The following GABRB3 variants were observed in gnomAD, a reference collection of about 807,000 sequenced individuals.
GABRB3 encodes the protein gamma-aminobutyric acid type A receptor subunit beta3, also known as gamma-aminobutyric acid receptor subunit beta-3.
GABRB3 carries 14 observed loss-of-function variants against 52.1 expected under a neutral mutation model. The observed-to-expected ratio is 0.27, with a 90% CI of 0.18 to 0.42. GABRB3 has a LOEUF of 0.42. Ranked by LOEUF, GABRB3 falls within the 10% of genes least tolerant of loss-of-function variation. The pLI is 1.00. For missense variants in GABRB3, 307 were observed against 609.1 expected, an observed-to-expected ratio of 0.50 and a Z score of 5.22; for synonymous variants, 260 against 232.3, an observed-to-expected ratio of 1.12 and a Z score of -1.08.
intron 3 of GABRB3, among the ~76,000 whole-genome samples, chr15:26,694,562 C>T (rs1038787374): frequency 6.6e-6 from 1 of 152,174 alleles, no homozygotes; most frequent in Non-Finnish European, 1.5e-5. Context: ...AGTAAATACA[C>T]TTGAACCCCT....
intron 3 of GABRB3, among the ~76,000 whole-genome samples, chr15:26,723,568 G>A (rs576637842): frequency 6.6e-5 from 10 of 152,294 alleles, no homozygotes; most frequent in Non-Finnish European, 1.3e-4. Flanking sequence ...ACCCATGGGT[G>A]GGAAGTGCAG....
chr15:26,706,757 C>G (rs1406081778), intron 3 of GABRB3, among the ~76,000 whole-genome samples: 1 of 152,156 alleles, frequency 6.6e-6, no homozygotes, highest in African/African-American at 2.4e-5. Context: ...ATTCATTTAT[C>G]CATGTGTTCA....
chr15:26,679,191 A>C (rs1342833725), intron 3 of GABRB3, among the ~76,000 whole-genome samples: 1 of 152,152 alleles, frequency 6.6e-6, no homozygotes, highest in African/African-American at 2.4e-5. Flanking sequence ...TCAAAATGAA[A>C]ACATTAACTC....
intron 4 of GABRB3, among the ~76,000 whole-genome samples, chr15:26,618,041 C>T (rs1481764307): frequency 6.6e-6 from 1 of 152,156 alleles, no homozygotes; most frequent in African/African-American, 2.4e-5. Flanking sequence ...GAAGAACATT[C>T]CATGCTCATG....
intron 3 of GABRB3, among the ~76,000 whole-genome samples, chr15:26,705,227 G>A (rs935075181): frequency 2.6e-5 from 4 of 152,206 alleles, no homozygotes; most frequent in Non-Finnish European, 5.9e-5. Context: ...TCCTCACATT[G>A]CAAAAGGCAG....
chr15:26,746,994 A>G (rs1048334380), intron 3 of GABRB3, among the ~76,000 whole-genome samples: 7 of 139,940 alleles, frequency 5.0e-5, no homozygotes, highest in Non-Finnish European at 9.7e-5. Flanking sequence ...CTCAAAATAA[A>G]TAAACAAACA....
At chr15:26,556,415 T>C (rs1285525682) in intron 8 of GABRB3, among the ~76,000 whole-genome samples, 1 of 152,232 alleles carries the variant, frequency 6.6e-6, no homozygotes, top group Non-Finnish European at 1.5e-5. Flanking sequence ...AATCTTGCTC[T>C]TTAGTAAGAA....
At chr15:26,579,910 C>T (rs1179355883) in intron 6 of GABRB3, among the ~76,000 whole-genome samples, 1 of 152,150 alleles carries the variant, frequency 6.6e-6, no homozygotes, top group Non-Finnish European at 1.5e-5. Flanking sequence ...TGGCTGCTAA[C>T]CCCAGTGGAG....
rs141930306 is a variant in GABRB3 at position 26,727,160 on chromosome 15, G to C, written c.240+45242C>G. On this transcript the variant is annotated intron_variant, in intron 3 of 8. Transcript: ENST00000311550. ...GGCAACAGAACAAGACTCGGTCTCA[G>C]GAAAAAAGAAAAATCACTCACCAGT... Among the ~76,000 whole-genome samples, 788 of 152,046 alleles carry C rather than the reference G, an allele frequency of 5.2e-3. 5 individuals carry two copies. Among genetic ancestry groups the C allele is most frequent in the African/African-American group, 0.018 (754 of 41,484 alleles).
chr15:26,698,521 AG>A (rs2140676367), intron 3 of GABRB3, among the ~76,000 whole-genome samples: 1 of 152,342 alleles, frequency 6.6e-6, no homozygotes, highest in East Asian at 1.9e-4. Flanking sequence ...ACAAGAAAAA[AG>A]GAAGAGATTC....
rs1285885962 is a variant in GABRB3, at chr15:26,746,097, T to C, written c.240+26305A>G. Among the ~76,000 whole-genome samples the C allele has an allele frequency of 4.6e-5, 7 of 152,372 alleles. No individual in the cohort carries two copies. In the East Asian group the frequency reaches 7.7e-4, roughly 17 times the overall value. On this transcript the variant is annotated intron_variant, in intron 3 of 8. Coordinates refer to ENST00000311550, the MANE Select transcript of GABRB3 (RefSeq NM_000814.6). ...GTAGGAGTGATCAATCCAGCTTCTC[T>C]ACGTTCTACCCAGTATTAAACAGTG... is the stretch of plus-strand genomic sequence containing the variant.
intron 3 of GABRB3, among the ~76,000 whole-genome samples, chr15:26,680,944 G>A (rs897415824): frequency 4.6e-5 from 7 of 152,132 alleles, no homozygotes; most frequent in African/African-American, 1.4e-4. Context: ...GTAAACTTGT[G>A]TCCTTCCTCT....
chr15:26,698,107 G>C (rs1242642708), intron 3 of GABRB3, among the ~76,000 whole-genome samples: 6 of 152,180 alleles, frequency 3.9e-5, no homozygotes, highest in African/African-American at 1.4e-4. Flanking sequence ...ACAAAAGACA[G>C]ATGCAAAGGA....
chr15:26,658,181 A>C (rs1370584530), intron 3 of GABRB3, among the ~76,000 whole-genome samples: 3 of 152,150 alleles, frequency 2.0e-5, no homozygotes, highest in African/African-American at 7.2e-5. Flanking sequence ...GAAAAACAAG[A>C]AGACAGTTTT....
In GABRB3 at chr15:26,592,177, C is replaced by A. The variant is rs147144308; in HGVS notation, c.462-8763G>T. Among the ~76,000 whole-genome samples, 794 of 152,290 alleles carry A rather than the reference C, an allele frequency of 5.2e-3. 6 individuals carry two copies. The highest frequency in any genetic ancestry group is 0.018 in the African/African-American group (740 of 41,560). ...ACTCAAGACTCTACCCAAAGTGTGT[C>A]TGATTTCAAGGTTTAGTTATAACTC... On this transcript the variant is annotated intron_variant, in intron 4 of 8. Coordinates refer to ENST00000311550, the MANE Select transcript of GABRB3 (RefSeq NM_000814.6).
intron 7 of GABRB3, among the ~76,000 whole-genome samples, chr15:26,563,136 A>T (rs1334067019): frequency 2.0e-5 from 3 of 152,126 alleles, no homozygotes; most frequent in African/African-American, 7.2e-5. Flanking sequence ...TTTAGTCACG[A>T]CTTTGCCTCT....
At chr15:26,571,365 A>G (rs1890387661) in intron 6 of GABRB3, among the ~76,000 whole-genome samples, 1 of 152,220 alleles carries the variant, frequency 6.6e-6, no homozygotes, top group Admixed American at 6.5e-5. Context: ...GGCCTCTGGT[A>G]GAAGAGCTAT....
At chr15:26,660,364 T>C (rs1370209027) in intron 3 of GABRB3, among the ~76,000 whole-genome samples, 1 of 152,182 alleles carries the variant, frequency 6.6e-6, no homozygotes, top group African/African-American at 2.4e-5. Context: ...TTTTGTTACA[T>C]TGTAGTTAAA....
intron 5 of GABRB3, 172 bp from the exon 6 acceptor site, chr15:26,580,628 T>C: frequency 2.4e-6 from 2 of 833,722 alleles, no homozygotes; most frequent in South Asian, 3.0e-5. Flanking sequence ...AATATTCTCA[T>C]GTTACTGCTG....
Sources: gnomAD v4.1 joint callset for allele counts (sites outside exome capture counted in the v4.1 genomes callset) on GRCh38, gnomAD v4.1.1 for gene constraint, MANE v1.5 for transcripts, NCBI Gene and HGNC (gene_info 2026-07-23, HGNC 2026-07-21) for gene names.